The following DYNC1I1 variants were observed in gnomAD, a reference collection of about 807,000 sequenced individuals.
DYNC1I1 encodes the protein dynein cytoplasmic 1 intermediate chain 1.
A neutral mutation model predicts 86.6 loss-of-function variants in DYNC1I1; 43 were observed. The observed-to-expected ratio is 0.50, with a 90% CI of 0.39 to 0.64. The LOEUF (loss-of-function observed/expected upper bound fraction) is 0.64. Among genes scored for constraint, DYNC1I1 ranks in the 30% least tolerant of loss-of-function variants. The probability of loss-of-function intolerance (pLI) is 0.00; values close to 1 mark genes in which losing one functional copy is unlikely to be tolerated. For synonymous variants in DYNC1I1, 262 were observed against 283.7 expected (o/e 0.92, Z 0.77); for missense variants, 604 against 788.8 (o/e 0.77, Z 2.81).
At chr7:95,878,722 A>G (rs1790371979) in intron 6 of DYNC1I1, among the ~76,000 whole-genome samples, 1 of 152,142 alleles carries the variant, frequency 6.6e-6, no homozygotes, top group South Asian at 2.1e-4. Context: ...TTAACTATAA[A>G]CCTAAGAGGC....
At chr7:95,964,023 C>T (rs1792941073) in intron 6 of DYNC1I1, among the ~76,000 whole-genome samples, 1 of 152,066 alleles carries the variant, frequency 6.6e-6, no homozygotes, top group Admixed American at 6.6e-5. Flanking sequence ...ATATTTGAGC[C>T]AATGGGAAAA....
intron 6 of DYNC1I1, among the ~76,000 whole-genome samples, chr7:95,890,196 G>A (rs150047171): frequency 8.9e-4 from 135 of 152,264 alleles, no homozygotes; most frequent in African/African-American, 3.0e-3. Context: ...GCCCATCAGT[G>A]GCAAAGTGAA....
At chr7:96,071,424 A>G (rs913813885) in intron 14 of DYNC1I1, among the ~76,000 whole-genome samples, 15 of 152,160 alleles carry the variant, frequency 9.9e-5, no homozygotes, top group Non-Finnish European at 4.4e-5. Context: ...CAAGGATGTT[A>G]AGTTAAATTT....
intron 5 of DYNC1I1, among the ~76,000 whole-genome samples, chr7:95,869,099 C>T (rs541870171): frequency 5.3e-5 from 8 of 152,246 alleles, no homozygotes; most frequent in South Asian, 2.1e-4. Context: ...CATCTCTTAA[C>T]GGAATCTCAC....
chr7:96,033,512 A>G (rs1423660124), intron 12 of DYNC1I1, among the ~76,000 whole-genome samples: 2 of 152,172 alleles, frequency 1.3e-5, no homozygotes, highest in African/African-American at 4.8e-5. Flanking sequence ...CTTTGTGTGA[A>G]AAAACAGTAT....
At chr7:95,807,472 A>T (rs1007517389) in intron 2 of DYNC1I1, among the ~76,000 whole-genome samples, 2 of 152,160 alleles carry the variant, frequency 1.3e-5, no homozygotes, top group Non-Finnish European at 2.9e-5. Flanking sequence ...CGCAGTGATC[A>T]TCAGGTCTGG....
intron 1 of DYNC1I1, among the ~76,000 whole-genome samples, chr7:95,784,840 AT>A (rs1405581361): frequency 6.6e-6 from 1 of 152,084 alleles, no homozygotes; most frequent in Non-Finnish European, 1.5e-5. Flanking sequence ...TTTCTACATA[AT>A]TTTCCTCAAA....
intron 6 of DYNC1I1, among the ~76,000 whole-genome samples, chr7:95,937,847 A>G (rs1416078308): frequency 6.6e-6 from 1 of 152,138 alleles, no homozygotes; most frequent in Non-Finnish European, 1.5e-5. Flanking sequence ...TTTACAACCA[A>G]CCATAAACAC....
At chr7:95,851,608 A>G (rs1206055402) in intron 5 of DYNC1I1, among the ~76,000 whole-genome samples, 2 of 151,972 alleles carry the variant, frequency 1.3e-5, no homozygotes, top group Non-Finnish European at 2.9e-5. Context: ...ATTGAATTTG[A>G]TTTGCTAGTA....
At chr7:95,893,005 C>T (rs1790784713) in intron 6 of DYNC1I1, among the ~76,000 whole-genome samples, 1 of 152,162 alleles carries the variant, frequency 6.6e-6, no homozygotes, top group African/African-American at 2.4e-5. Context: ...ACTCTTTCCT[C>T]GTGACCTTTC....
intron 10 of DYNC1I1, among the ~76,000 whole-genome samples, chr7:96,025,056 A>G (rs555029859): frequency 1.3e-5 from 2 of 152,314 alleles, no homozygotes; most frequent in East Asian, 3.9e-4. Flanking sequence ...ATATTCTTAT[A>G]GAATAACAAG....
chr7:95,860,323 C>T (rs1438597806), intron 5 of DYNC1I1, among the ~76,000 whole-genome samples: 2 of 152,138 alleles, frequency 1.3e-5, no homozygotes, highest in Non-Finnish European at 2.9e-5. Flanking sequence ...CTGTATCCCA[C>T]CCACGTAAAA....
chr7:95,973,758 T>G (rs1286584453), intron 6 of DYNC1I1, among the ~76,000 whole-genome samples: 2 of 152,228 alleles, frequency 1.3e-5, no homozygotes, highest in Non-Finnish European at 2.9e-5. Flanking sequence ...TGAGAATTAA[T>G]GTTTAAAATA....
In DYNC1I1 at chr7:95,879,692, G is replaced by A. The variant is rs575580415; in HGVS notation, c.490+9694G>A. 1.1e-4 allele frequency among the ~76,000 whole-genome samples: 17 copies of A among 152,214 alleles called. No homozygotes were observed. The South Asian group carries it at 3.5e-3, about 32-fold the overall frequency. On this transcript the variant is annotated intron_variant, in intron 6 of 16. Transcript: ENST00000447467. ...TCAAAATCTGGGCTATCTAGTTGAA[G>A]GCATTAGAAATTCAACCATATGACC...
At chr7:96,033,041 T>C (rs1020327920) in intron 12 of DYNC1I1, among the ~76,000 whole-genome samples, 6 of 152,190 alleles carry the variant, frequency 3.9e-5, no homozygotes, top group Non-Finnish European at 5.9e-5. Context: ...TTCTAAATCA[T>C]AGTAATTATG....
At chr7:95,940,471 A>G (rs1481780022) in intron 6 of DYNC1I1, among the ~76,000 whole-genome samples, 1 of 152,104 alleles carries the variant, frequency 6.6e-6, no homozygotes, top group African/African-American at 2.4e-5. Context: ...ACATAGTCCC[A>G]TATTTCTTGG....
intron 13 of DYNC1I1, among the ~76,000 whole-genome samples, chr7:96,036,885 A>G (rs1341950115): frequency 6.6e-6 from 1 of 152,184 alleles, no homozygotes; most frequent in Admixed American, 6.5e-5. Context: ...AAAACTTAAC[A>G]GGTGGCCTCA....
chr7:95,942,663 G>C (rs371629906), intron 6 of DYNC1I1, among the ~76,000 whole-genome samples: 11,676 of 150,414 alleles, frequency 0.078, 885 homozygotes, highest in African/African-American at 0.21. Flanking sequence ...ACATCAAAAA[G>C]CTTATCCACC....
intron 6 of DYNC1I1, among the ~76,000 whole-genome samples, chr7:95,923,110 C>T (rs1234411944): frequency 6.6e-6 from 1 of 152,002 alleles, no homozygotes; most frequent in Non-Finnish European, 1.5e-5. Flanking sequence ...TGTTCTGAGG[C>T]TTAGCTGTTC....
Sources: gnomAD v4.1 joint callset for allele counts (sites outside exome capture counted in the v4.1 genomes callset) on GRCh38, gnomAD v4.1.1 for gene constraint, MANE v1.5 for transcripts, NCBI Gene and HGNC (gene_info 2026-07-23, HGNC 2026-07-21) for gene names.